The following STK24 variants were observed in gnomAD, a reference collection of about 807,000 sequenced individuals.
STK24 encodes the protein serine/threonine kinase 24.
A neutral mutation model predicts 55.6 loss-of-function variants in STK24; 21 were observed. The observed-to-expected ratio is 0.38, with a 90% CI of 0.27 to 0.54. STK24 has a LOEUF of 0.54. Ranked by LOEUF, STK24 falls within the 20% of genes least tolerant of loss-of-function variation. STK24 has a pLI of 0.79. For synonymous variants in STK24, 200 were observed against 215.2 expected, an observed-to-expected ratio of 0.93 and a Z score of 0.62; for missense variants, 383 against 538.4, an observed-to-expected ratio of 0.71 and a Z score of 2.86.
In STK24 at chr13:98,451,118, A is replaced by G. The variant is rs1403537840; in HGVS notation, c.*2055T>C. ...CTGTTACTAGCATGAGACTGGCTTC[A>G]GTGCTAAAAACTGTGATGTCATTGT... On this transcript the variant is annotated 3_prime_UTR_variant, in exon 11 of 11. Coordinates refer to ENST00000539966, the MANE Select transcript of STK24 (RefSeq NM_001032296.4). 1.3e-5 allele frequency: 2 copies of G among 152,178 alleles called. No homozygotes were observed. The highest frequency in any genetic ancestry group is 4.8e-5 in the African/African-American group (2 of 41,444). 9.4% of individuals were successfully genotyped at this position (152,178 alleles called of 1,614,324 possible). A position where few individuals can be genotyped will look rare whatever the true frequency, so the allele number is the denominator to read the frequency against.
At chr13:98,486,481 G>A (rs1894811259) in intron 2 of STK24, among the ~76,000 whole-genome samples, 1 of 152,196 alleles carries the variant, frequency 6.6e-6, no homozygotes, top group Admixed American at 6.5e-5. Context: ...AGCTTTGGGG[G>A]CTGCAGGCAA....
chr13:98,558,086 T>C (rs1185223761), intron 1 of STK24, among the ~76,000 whole-genome samples: 3 of 152,204 alleles, frequency 2.0e-5, no homozygotes, highest in Non-Finnish European at 2.9e-5. Context: ...ATGCGACACA[T>C]GTGCCTCTGC....
chr13:98,521,543 A>G (rs1273885375), intron 1 of STK24, among the ~76,000 whole-genome samples: 2 of 152,090 alleles, frequency 1.3e-5, no homozygotes, highest in Non-Finnish European at 2.9e-5. Flanking sequence ...CCCCAGGCTG[A>G]GTATCACCAG....
chr13:98,462,540 C>T lies in STK24; in HGVS notation c.930-643G>A, dbSNP rs560188393. Among the ~76,000 whole-genome samples the T allele has an allele frequency of 1.3e-3, 198 of 152,230 alleles. 1 individual carries two copies. The highest frequency in any genetic ancestry group is 3.4e-3 in the Middle Eastern group (1 of 294). On this transcript the variant is annotated intron_variant, in intron 7 of 10. Transcript: ENST00000539966. ...TAAGCCTGCACCTCCTCCCGCCCCTCGGCCATACCTCTCCCCTCTCACTCA... is the reference window on the plus strand; with the variant it reads ...TAAGCCTGCACCTCCTCCCGCCCCTTGGCCATACCTCTCCCCTCTCACTCA...
chr13:98,454,509 A>T (rs529608599), intron 10 of STK24: 1 of 152,360 alleles, frequency 6.6e-6, no homozygotes, highest in African/African-American at 2.4e-5. Context: ...CCAAAAGCAC[A>T]CATTAGCCAC....
intron 2 of STK24, among the ~76,000 whole-genome samples, chr13:98,490,801 C>T (rs1262287631): frequency 5.3e-5 from 8 of 151,104 alleles, no homozygotes; most frequent in Admixed American, 5.3e-4. Context: ...ACGTCTCCAA[C>T]CCACTCCCAT....
intron 2 of STK24, among the ~76,000 whole-genome samples, chr13:98,506,761 G>A (rs1594621757): frequency 2.0e-5 from 3 of 152,204 alleles, no homozygotes; most frequent in Admixed American, 6.5e-5. Context: ...CTAAAACCAC[G>A]GACACGTGTT....
rs191527540 is a variant in STK24, at chr13:98,483,372, G to A, written c.274-1051C>T. ...CTGCTCCGCTGCTGACTCAGGACTC[G>A]GTGGTGGCTTTTGCACACATGGAGG... is the stretch of plus-strand genomic sequence containing the variant. On this transcript the variant is annotated intron_variant, in intron 2 of 10. Transcript: ENST00000539966. Among the ~76,000 whole-genome samples the A allele has an allele frequency of 2.3e-3, 354 of 152,318 alleles. 4 individuals are homozygous for A. Among genetic ancestry groups the A allele is most frequent in the Non-Finnish European group, 3.7e-3 (252 of 68,022 alleles).
At chr13:98,568,003 C>CT (rs35375509) in intron 1 of STK24, among the ~76,000 whole-genome samples, 3,972 of 141,744 alleles carry the variant, frequency 0.028, 173 homozygotes, top group South Asian at 0.1. Flanking sequence ...AAACAGAGAA[C>CT]TTTTTTTTTT....
At chr13:98,466,219 C>T (rs1045195138) in intron 6 of STK24, among the ~76,000 whole-genome samples, 157 bp downstream of exon 6, 3 of 151,976 alleles carry the variant, frequency 2.0e-5, no homozygotes, top group Admixed American at 2.0e-4. Flanking sequence ...AATGTATTTG[C>T]AAACCAAAGA....
chr13:98,560,085 C>A (rs1897380510), intron 1 of STK24, among the ~76,000 whole-genome samples: 2 of 152,204 alleles, frequency 1.3e-5, no homozygotes, highest in African/African-American at 4.8e-5. Context: ...TTTTCCAACT[C>A]CTCTGGAGGT....
intron 2 of STK24, among the ~76,000 whole-genome samples, chr13:98,492,583 C>G (rs183618913): frequency 6.6e-6 from 1 of 152,320 alleles, no homozygotes; most frequent in East Asian, 1.9e-4. Context: ...GAGGCTTGAG[C>G]TGGGAAAGCA....
At chr13:98,532,162 C>G (rs911760883) in intron 1 of STK24, among the ~76,000 whole-genome samples, 1 of 152,194 alleles carries the variant, frequency 6.6e-6, no homozygotes, top group Non-Finnish European at 1.5e-5. Flanking sequence ...CTGCAGAAGT[C>G]ACAATGCCAG....
At chr13:98,483,302 C>T (rs1357524353) in intron 2 of STK24, among the ~76,000 whole-genome samples, 5 of 152,122 alleles carry the variant, frequency 3.3e-5, no homozygotes, top group African/African-American at 7.2e-5. Flanking sequence ...GACGCCACCG[C>T]CAGAGTTTGG....
At chr13:98,473,503 C>T (rs141458153) in intron 5 of STK24, among the ~76,000 whole-genome samples, 310 of 151,954 alleles carry the variant, frequency 2.0e-3, no homozygotes, top group African/African-American at 6.8e-3. Context: ...AGTTCCTGGT[C>T]GAGTCCCAAA....
At position 98,451,785 on chromosome 13, in the gene STK24, C is replaced by T. The variant is rs551499582; in HGVS notation, c.*1388G>A. On this transcript the variant is annotated 3_prime_UTR_variant, in exon 11 of 11. Transcript: ENST00000539966. ...AACAGCTGCTGCACGAACCCTCCCA[C>T]TCCAGAAACCCAGAGATTTTCCCCC... The T allele has an allele frequency of 6.6e-6, 1 of 152,476 alleles. No homozygotes were observed. Among genetic ancestry groups the T allele is most frequent in the South Asian group, 2.1e-4 (1 of 4,828 alleles). The allele number at this position is 152,476 out of a possible 1,614,324, so 9.4% of individuals were successfully genotyped here.
chr13:98,460,547 C>T (rs1362968192), intron 8 of STK24, 107 bp from the exon 9 acceptor site: 5 of 865,518 alleles, frequency 5.8e-6, no homozygotes, highest in Non-Finnish European at 9.4e-6. Context: ...GTTGCCTCTA[C>T]ACTTCACGCT....
chr13:98,504,510 C>T (rs971035305), intron 2 of STK24, among the ~76,000 whole-genome samples: 7 of 152,246 alleles, frequency 4.6e-5, no homozygotes, highest in South Asian at 2.1e-4. Context: ...ACAGCAATCC[C>T]GCTGACAGTT....
intron 3 of STK24, among the ~76,000 whole-genome samples, chr13:98,476,624 A>G (rs943718738): frequency 6.6e-6 from 1 of 152,198 alleles, no homozygotes; most frequent in Non-Finnish European, 1.5e-5. Context: ...TGCGTGCCTC[A>G]GCTCCTTCAC....
Sources: allele counts gnomAD v4.1 joint callset (sites outside exome capture counted in the v4.1 genomes callset), GRCh38; gene constraint gnomAD v4.1.1; transcripts MANE v1.5; gene names NCBI Gene and HGNC (gene_info 2026-07-23, HGNC 2026-07-21).